KIF6: variants seen among roughly 807,000 people sequenced by gnomAD.
KIF6 encodes the protein kinesin-like protein KIF6.
Under a neutral mutation model 112.7 loss-of-function variants are expected in KIF6, and 106 were observed. The ratio of observed to expected loss-of-function variants is 0.94; its 90% CI spans 0.80 to 1.11. The LOEUF is 1.11. Ranked by LOEUF, KIF6 falls within the 50% of genes least tolerant of loss-of-function variation. The probability of loss-of-function intolerance (pLI) is 0.00; values close to 1 mark genes in which losing one functional copy is unlikely to be tolerated. For missense variants in KIF6, 929 were observed against 964.0 expected (o/e 0.96, Z 0.48); for synonymous variants, 339 against 339.9 (o/e 1.00, Z 0.03).
At chr6:39,631,570 T>A (rs1784351730) in intron 5 of KIF6, among the ~76,000 whole-genome samples, 1 of 152,184 alleles carries the variant, frequency 6.6e-6, no homozygotes, top group South Asian at 2.1e-4. Flanking sequence ...TTTTCAAATG[T>A]TGAACTAGCT....
intron 3 of KIF6, among the ~76,000 whole-genome samples, chr6:39,645,411 G>A (rs1346147224): frequency 6.6e-6 from 1 of 152,014 alleles, no homozygotes; most frequent in Non-Finnish European, 1.5e-5. Flanking sequence ...AGATTGTCTG[G>A]AGGATCTGCA....
At chr6:39,554,979 A>C (rs574624933) in intron 10 of KIF6, 1 of 165,978 alleles carries the variant, frequency 6.0e-6, no homozygotes, top group East Asian at 1.7e-4. Context: ...TGAGACACAG[A>C]CTGTCTGACC....
chr6:39,564,716 G>A (rs970250504), intron 10 of KIF6, among the ~76,000 whole-genome samples: 29 of 152,148 alleles, frequency 1.9e-4, no homozygotes, highest in Admixed American at 4.6e-4. Context: ...TGTATACTGC[G>A]AACACAAATT....
chr6:39,440,055 C>T (rs9380864), intron 13 of KIF6, among the ~76,000 whole-genome samples: 30 of 152,138 alleles, frequency 2.0e-4, no homozygotes, highest in Admixed American at 3.9e-4. Flanking sequence ...GATATTCACT[C>T]GCGTGGGGCC....
rs571346516 is a variant in KIF6 at position 39,470,706 on chromosome 6, C to G, written c.1646-39545G>C. Among the ~76,000 whole-genome samples the G allele has an allele frequency of 8.8e-4, 134 of 151,734 alleles. No individual in the cohort carries two copies. In the South Asian group the frequency reaches 0.014, roughly 15 times the overall value. The stretch of plus-strand genomic sequence containing the variant: ...AACCATCTACTGACAGCTGTTTCCA[C>G]TATTCCCCATCAATCAAAGATTTGG... On this transcript the variant is annotated intron_variant, in intron 13 of 22. Transcript: ENST00000287152.
chr6:39,355,455 A>AAC (rs1562124221), intron 19 of KIF6, among the ~76,000 whole-genome samples: 1 of 142,160 alleles, frequency 7.0e-6, no homozygotes, highest in East Asian at 2.1e-4. Flanking sequence ...TAATTTTAAG[A>AAC]AGTCTTTTTT....
intron 3 of KIF6, among the ~76,000 whole-genome samples, chr6:39,647,252 A>T (rs1009362938): frequency 6.6e-5 from 10 of 152,320 alleles, no homozygotes; most frequent in African/African-American, 2.4e-4. Context: ...AAAAAATGTG[A>T]GGAGGCCGAC....
At chr6:39,370,569 G>T (rs555978212) in intron 16 of KIF6, among the ~76,000 whole-genome samples, 1 of 152,302 alleles carries the variant, frequency 6.6e-6, no homozygotes, top group Non-Finnish European at 1.5e-5. Flanking sequence ...CAGTAGAACT[G>T]GCACATTTTC....
In KIF6 at chr6:39,449,921, C is replaced by T. The variant is rs79116367; in HGVS notation, c.1646-18760G>A. Reference sequence around the variant, plus strand: ...TTGGCTCATGTCAACATCCACAGGCCCTTGCTAACCTGTACCCTGACTAAC... The same window carrying T: ...TTGGCTCATGTCAACATCCACAGGCTCTTGCTAACCTGTACCCTGACTAAC... On this transcript the variant is annotated intron_variant, in intron 13 of 22. Transcript: ENST00000287152. 3.5e-3 allele frequency among the ~76,000 whole-genome samples: 536 copies of T among 152,294 alleles called. 1 individual carries two copies. The highest frequency in any genetic ancestry group is 0.012 in the African/African-American group (512 of 41,556).
chr6:39,440,554 A>G (rs750650949), intron 13 of KIF6, among the ~76,000 whole-genome samples: 1 of 152,064 alleles, frequency 6.6e-6, no homozygotes, highest in Non-Finnish European at 1.5e-5. Flanking sequence ...GTGTGTTCCA[A>G]ACCCCTGTCT....
At chr6:39,431,669 CTCT>C (rs1481120858) in intron 13 of KIF6, among the ~76,000 whole-genome samples, 2 of 152,194 alleles carry the variant, frequency 1.3e-5, no homozygotes, top group Admixed American at 6.5e-5. Flanking sequence ...GGGGTCTCGG[CTCT>C]TCTTCAGGAG....
At chr6:39,437,603 T>C (rs1456410748) in intron 13 of KIF6, among the ~76,000 whole-genome samples, 1 of 152,204 alleles carries the variant, frequency 6.6e-6, no homozygotes, top group Non-Finnish European at 1.5e-5. Flanking sequence ...ATCTCCTACA[T>C]AGTATGATTT....
In KIF6 at chr6:39,415,051, G is replaced by A. The variant is rs149143373; in HGVS notation, c.1810+4897C>T. Among the ~76,000 whole-genome samples the A allele has an allele frequency of 3.7e-3, 560 of 152,038 alleles. 4 individuals carry two copies. Among genetic ancestry groups the A allele is most frequent in the African/African-American group, 0.013 (524 of 41,452 alleles). The stretch of plus-strand genomic sequence containing the variant: ...AAAATACAAAAAATTAGCCAGGTGT[G>A]GTGGTGGGCGCCTATAATCCCAGCT... On this transcript the variant is annotated intron_variant, in intron 15 of 22. Coordinates refer to ENST00000287152, the MANE Select transcript of KIF6 (RefSeq NM_145027.6).
chr6:39,389,390 T>C (rs999114354), intron 15 of KIF6, among the ~76,000 whole-genome samples: 5 of 152,174 alleles, frequency 3.3e-5, no homozygotes, highest in African/African-American at 1.2e-4. Context: ...CTGTGCCTCA[T>C]TCAACATGTT....
intron 14 of KIF6, among the ~76,000 whole-genome samples, chr6:39,428,633 A>G (rs1770930656): frequency 1.3e-5 from 2 of 152,160 alleles, no homozygotes; most frequent in African/African-American, 4.8e-5. Context: ...AGTATGCTAA[A>G]GTATATCTGG....
chr6:39,399,363 T>C (rs2150336682), intron 15 of KIF6, among the ~76,000 whole-genome samples: 1 of 152,244 alleles, frequency 6.6e-6, no homozygotes, highest in Admixed American at 6.5e-5. Context: ...AGGTACTCAA[T>C]AGTGGTCACA....
intron 14 of KIF6, among the ~76,000 whole-genome samples, chr6:39,427,077 G>T (rs778724546): frequency 3.3e-5 from 5 of 152,210 alleles, no homozygotes; most frequent in Admixed American, 1.3e-4. Context: ...GTCCAGGCTG[G>T]TGGGTCCTGG....
intron 19 of KIF6, among the ~76,000 whole-genome samples, chr6:39,351,478 C>T (rs563890970): frequency 6.6e-6 from 1 of 152,054 alleles, no homozygotes; most frequent in East Asian, 1.9e-4. Context: ...TGGTGTTGAA[C>T]TCCTGGCTCA....
At chr6:39,356,573 C>T (rs895073616) in intron 19 of KIF6, among the ~76,000 whole-genome samples, 4 of 152,116 alleles carry the variant, frequency 2.6e-5, no homozygotes, top group Non-Finnish European at 4.4e-5. Context: ...CCCTCTGACA[C>T]CTTTTTTAAA....
Sources: allele counts gnomAD v4.1 joint callset (sites outside exome capture counted in the v4.1 genomes callset), GRCh38; gene constraint gnomAD v4.1.1; transcripts MANE v1.5; gene names NCBI Gene and HGNC (gene_info 2026-07-23, HGNC 2026-07-21).